Variants in A2ML1 observed in about 807,000 individuals in gnomAD.
A2ML1 encodes the protein alpha-2-macroglobulin like 1, also known as alpha-2-macroglobulin-like protein 1.
A neutral mutation model predicts 181.9 loss-of-function variants in A2ML1; 161 were observed. The ratio of observed to expected loss-of-function variants is 0.89; its 90% CI spans 0.78 to 1.01. A2ML1 has a LOEUF of 1.01. Ranked by LOEUF, A2ML1 falls within the 50% of genes least tolerant of loss-of-function variation. The pLI is 0.00. For missense variants in A2ML1, 1,670 were observed against 1,768.1 expected, an observed-to-expected ratio of 0.94 and a Z score of 1.00; for synonymous variants, 663 against 666.8, an observed-to-expected ratio of 0.99 and a Z score of 0.09.
chr12:8,849,409 G>A (rs982211586), intron 16 of A2ML1, among the ~76,000 whole-genome samples: 1 of 152,206 alleles, frequency 6.6e-6, no homozygotes, highest in African/African-American at 2.4e-5. Flanking sequence ...AAGTCAAATA[G>A]TAAGGACATA....
Position 8,855,518 on chromosome 12 carries a change from C to T in A2ML1, c.2774C>T (p.Ala925Val), listed in dbSNP as rs868280801. 1.2e-6 allele frequency: 2 copies of T among 1,613,992 alleles called. No individual in the cohort carries two copies. Among genetic ancestry groups the T allele is most frequent in the African/African-American group, 2.7e-5 (2 of 74,894 alleles). ...TTTCTGCATCTCACAGGAAAGGTGGCATCTGAATCTGTCTCCCTGGAGCTC... is the reference window on the plus strand; with the variant it reads ...TTTCTGCATCTCACAGGAAAGGTGGTATCTGAATCTGTCTCCCTGGAGCTC... ...SSLLCPKGKV[A>V]SESVSLELPV... The change falls in exon 23 of 36, where the codon GCA becomes GTA. Residue 925 changes from alanine (A) to valine (V), a missense_variant. Ala to Val is a moderately conservative substitution (Grantham distance 64). Transcript: ENST00000299698.
At chr12:8,877,226 C>T (rs147044728), downstream of A2ML1, among the ~76,000 whole-genome samples, 348 of 152,340 alleles carry the variant, frequency 2.3e-3, 1 homozygote, top group African/African-American at 8.1e-3. Flanking sequence ...TAGGCAATTA[C>T]ACCCTTTTAT....
intron 23 of A2ML1, 107 bp from the exon 24 acceptor site, chr12:8,857,057 C>T: frequency 8.6e-7 from 1 of 1,161,668 alleles, no homozygotes; most frequent in Non-Finnish European, 1.2e-6. Context: ...ATAGTAGGTA[C>T]TTATTAAATG....
chr12:8,869,151 TG>T lies in A2ML1; in HGVS notation c.4171del (p.Val1391Ter). On this transcript the variant is annotated frameshift_variant, in exon 33 of 36. Transcript: ENST00000299698. LOFTEE classifies it high-confidence loss of function. ...GTNQLLLQQPLVKKVEFGTDT... is the reference protein window; with the variant it reads ...GTNQLLLQQPXVKKVEFGTDT... ...CTTATTCAGCTTCTCCAGCAACCCC[TG>T]GTGAAGAAGGTTGAATTTGGAACTG... The T allele has an allele frequency of 6.2e-7, 1 of 1,614,092 alleles. No homozygotes were observed. The highest frequency in any genetic ancestry group is 8.5e-7 in the Non-Finnish European group (1 of 1,179,998).
In A2ML1 at chr12:8,835,535, G is replaced by A. The variant is rs373580681; in HGVS notation, c.512G>A (p.Trp171Ter). Reference sequence around the variant, plus strand: ...CCAAATAGCAACAGGATTGCACAGTGGCTGGAAGTGGTACCTGAGCAAGGC... The same window carrying A: ...CCAAATAGCAACAGGATTGCACAGTAGCTGGAAGTGGTACCTGAGCAAGGC... ...QDPNSNRIAQ[W>*]LEVVPEQGIV... Residue 171 changes from tryptophan (W) to a stop codon, truncating the protein, a stop_gained, in exon 6 of 36, where the codon TGG becomes TAG. Transcript: ENST00000299698. LOFTEE classifies it high-confidence loss of function. The A allele has an allele frequency of 4.3e-6, 7 of 1,614,034 alleles. No homozygotes were observed. The highest frequency in any genetic ancestry group is 1.3e-5 in the African/African-American group (1 of 74,918).
chr12:8,877,555 A>G (rs2137006910), downstream of A2ML1, among the ~76,000 whole-genome samples: 1 of 152,362 alleles, frequency 6.6e-6, no homozygotes, highest in Middle Eastern at 3.4e-3. Context: ...TCAAAAGAAG[A>G]GTACAAGTGG....
intron 6 of A2ML1, 60 bp from the exon 7 acceptor site, chr12:8,836,195 T>C: frequency 7.1e-7 from 1 of 1,404,490 alleles, no homozygotes; most frequent in Non-Finnish European, 1.0e-6. Flanking sequence ...CTCTGCTCAC[T>C]GCCTGTCTGA....
rs1290883658 is a variant in A2ML1 at position 8,852,162 on chromosome 12, C to T, written c.2464-48C>T. Reference sequence around the variant, plus strand: ...CCCCAGGTTTCCCCAGGCCTCTATGCACTACCTCCTTTGTTTGTACCCTTT... The same window carrying T: ...CCCCAGGTTTCCCCAGGCCTCTATGTACTACCTCCTTTGTTTGTACCCTTT... On this transcript the variant is annotated intron_variant, in intron 19 of 35. Transcript: ENST00000299698. The surrounding 1 kb of genome is among the most constrained non-coding windows in gnomAD (Gnocchi z 4.2). The T allele has an allele frequency of 6.2e-7, 1 of 1,611,682 alleles. No individual in the cohort carries two copies. The highest frequency in any genetic ancestry group is 1.7e-5 in the Admixed American group (1 of 59,924).
chr12:8,845,290 A>C, intron 12 of A2ML1, 152 bp from the exon 13 acceptor site: 1 of 1,427,512 alleles, frequency 7.0e-7, no homozygotes, highest in Non-Finnish European at 9.6e-7. Flanking sequence ...TGCATTTGTC[A>C]AGCTAGTGGA....
chr12:8,859,387 T>C (rs1439123688), intron 26 of A2ML1, among the ~76,000 whole-genome samples: 1 of 152,038 alleles, frequency 6.6e-6, no homozygotes, highest in African/African-American at 2.4e-5. Context: ...TCTTATACAC[T>C]GTATGAAATA....
chr12:8,862,419 C>G (rs1683292270), intron 28 of A2ML1, among the ~76,000 whole-genome samples: 1 of 152,116 alleles, frequency 6.6e-6, no homozygotes, highest in African/African-American at 2.4e-5. Context: ...CCAGGCTGGT[C>G]TCAGAATCCT....
chr12:8,849,048 C>A, intron 16 of A2ML1, 134 bp downstream of exon 16: 2 of 944,134 alleles, frequency 2.1e-6, no homozygotes, highest in East Asian at 2.6e-5. Context: ...AAGCTTCTGA[C>A]GTGTAAGGTC....
intron 10 of A2ML1, 115 bp from the exon 11 acceptor site, chr12:8,841,254 T>A: frequency 1.1e-6 from 1 of 880,066 alleles, no homozygotes; most frequent in Non-Finnish European, 1.7e-6. Context: ...AATTCTGTTA[T>A]TACTTTTAGT....
downstream of A2ML1, among the ~76,000 whole-genome samples, chr12:8,878,760 C>G (rs1035175273): frequency 2.6e-5 from 4 of 152,050 alleles, no homozygotes; most frequent in East Asian, 7.8e-4. The surrounding 1 kb of genome is among the most constrained non-coding windows in gnomAD (Gnocchi z 4.4). Flanking sequence ...GCTCTGAGTT[C>G]GAGATCAACC....
intron 2 of A2ML1, 116 bp downstream of exon 2, chr12:8,823,481 T>C: frequency 2.4e-6 from 3 of 1,274,784 alleles, no homozygotes; most frequent in Non-Finnish European, 3.2e-6. Context: ...CCTCTAAACC[T>C]ATTTTTTCTC....
intron 22 of A2ML1, 33 bp from the exon 23 acceptor site, chr12:8,855,476 C>T: frequency 6.2e-7 from 1 of 1,608,632 alleles, no homozygotes; most frequent in African/African-American, 1.3e-5. Context: ...TCCCCATCTT[C>T]TATTGTGTCA....
downstream of A2ML1, among the ~76,000 whole-genome samples, chr12:8,880,054 A>G (rs1202064491): frequency 6.6e-6 from 1 of 152,144 alleles, no homozygotes; most frequent in Non-Finnish European, 1.5e-5. Context: ...CAAAAAAATG[A>G]TAGAAGAAAG....
intron 11 of A2ML1, among the ~76,000 whole-genome samples, chr12:8,842,814 C>A (rs780400243): frequency 2.0e-5 from 3 of 152,308 alleles, no homozygotes; most frequent in Non-Finnish European, 4.4e-5. Flanking sequence ...GAAATATAAT[C>A]TTTGATTTCT....
intron 20 of A2ML1, 112 bp from the exon 21 acceptor site, chr12:8,854,016 G>C (rs1030854766): frequency 7.4e-7 from 1 of 1,344,528 alleles, no homozygotes; most frequent in African/African-American, 1.5e-5. Flanking sequence ...AGCAGAGTTT[G>C]CACTGTTGCA....
Sources: gnomAD v4.1 joint callset for allele counts (sites outside exome capture counted in the v4.1 genomes callset) on GRCh38, gnomAD v4.1.1 for gene constraint, Gnocchi (gnomAD v3.1) non-coding constraint, MANE v1.5 for transcripts, NCBI Gene and HGNC (gene_info 2026-07-23, HGNC 2026-07-21) for gene names.